The following GRIA2 variants were observed in gnomAD, a reference collection of about 807,000 sequenced individuals.
The protein encoded by GRIA2 is glutamate receptor 2.
GRIA2 carries 14 observed loss-of-function variants against 97.3 expected under a neutral mutation model. That is an observed-to-expected ratio of 0.14 (90% confidence interval 0.10 to 0.23). The LOEUF (loss-of-function observed/expected upper bound fraction) is 0.23, where lower values mean the gene tolerates loss of function less well. Ranked by LOEUF, GRIA2 falls within the 10% of genes least tolerant of loss-of-function variation. The pLI, the probability that GRIA2 is intolerant of heterozygous loss-of-function variation, is 1.00. For missense variants in GRIA2, 558 were observed against 1,069.8 expected, an observed-to-expected ratio of 0.52 and a Z score of 6.67; for synonymous variants, 412 against 387.8, an observed-to-expected ratio of 1.06 and a Z score of -0.73.
At chr4:157,302,392 G>A (rs887724256) in intron 2 of GRIA2, among the ~76,000 whole-genome samples, 2 of 152,152 alleles carry the variant, frequency 1.3e-5, no homozygotes, top group Middle Eastern at 3.4e-3. Flanking sequence ...GAGGAAGGAG[G>A]ACAGTTGGGT....
At chr4:157,270,804 T>C (rs927446546) in intron 2 of GRIA2, among the ~76,000 whole-genome samples, 1 of 152,000 alleles carries the variant, frequency 6.6e-6, no homozygotes, top group African/African-American at 2.4e-5. Context: ...GAGGTTAATC[T>C]TGGAGAGGGA....
intron 2 of GRIA2, among the ~76,000 whole-genome samples, chr4:157,236,728 C>T (rs1476843714): frequency 3.3e-5 from 5 of 152,052 alleles, no homozygotes; most frequent in Non-Finnish European, 4.4e-5. Flanking sequence ...CTCTTGGTAT[C>T]TTATTGTTTA....
chr4:157,239,429 C>G (rs1365994204), intron 2 of GRIA2, among the ~76,000 whole-genome samples: 1 of 151,944 alleles, frequency 6.6e-6, no homozygotes, highest in East Asian at 1.9e-4. Context: ...TTTCCACTAA[C>G]AGAGGAAGAC....
At chr4:157,300,607 T>C (rs1192131925) in intron 2 of GRIA2, among the ~76,000 whole-genome samples, 3 of 152,056 alleles carry the variant, frequency 2.0e-5, no homozygotes, top group Non-Finnish European at 2.9e-5. Context: ...AAATAGAGGA[T>C]ATATGCAAAT....
intron 12 of GRIA2, 24 bp downstream of exon 12, chr4:157,341,486 TC>T: frequency 6.7e-7 from 1 of 1,486,458 alleles, no homozygotes; most frequent in South Asian, 1.1e-5. Context: ...CTTTGTAGTT[TC>T]TGATTTTGTT....
At chr4:157,255,177 T>C (rs1338252837) in intron 2 of GRIA2, among the ~76,000 whole-genome samples, 1 of 152,018 alleles carries the variant, frequency 6.6e-6, no homozygotes, top group Non-Finnish European at 1.5e-5. Context: ...TTTGACTTTC[T>C]GTTTCTGAGT....
chr4:157,232,335 GGT>G (rs1730056739), intron 2 of GRIA2, among the ~76,000 whole-genome samples: 1 of 151,992 alleles, frequency 6.6e-6, no homozygotes, highest in Non-Finnish European at 1.5e-5. Flanking sequence ...TCTCTATAAG[GGT>G]GTGTGTGCTT....
At chr4:157,237,757 G>A (rs1034197705) in intron 2 of GRIA2, among the ~76,000 whole-genome samples, 4 of 152,036 alleles carry the variant, frequency 2.6e-5, no homozygotes, top group Non-Finnish European at 4.4e-5. Context: ...GTGTTTCTGG[G>A]GTCTCAGATC....
intron 5 of GRIA2, 24 bp from the exon 6 acceptor site, chr4:157,321,414 G>C: frequency 6.4e-7 from 1 of 1,559,180 alleles, no homozygotes; most frequent in South Asian, 1.2e-5. Context: ...CAAAAAGCGT[G>C]ATATCAATGT....
At chr4:157,317,252 A>C (rs1734364330) in intron 4 of GRIA2, among the ~76,000 whole-genome samples, 1 of 152,212 alleles carries the variant, frequency 6.6e-6, no homozygotes, top group Non-Finnish European at 1.5e-5. Flanking sequence ...AAAATCTCAG[A>C]TGTTAAACAG....
chr4:157,360,511 C>T (rs1736587978), intron 13 of GRIA2, among the ~76,000 whole-genome samples: 1 of 152,060 alleles, frequency 6.6e-6, no homozygotes, highest in Non-Finnish European at 1.5e-5. Flanking sequence ...TGCATACAGA[C>T]TAAGCAAATG....
chr4:157,361,165 A>G lies in GRIA2; in HGVS notation c.2406+41A>G. 6.9e-7 allele frequency: 1 copy of G among 1,452,758 alleles called. No homozygotes were observed. The highest frequency in any genetic ancestry group is 9.7e-7 in the Non-Finnish European group (1 of 1,034,128). The allele number at this position is 1,452,758 out of a possible 1,614,324, so 90.0% of individuals were successfully genotyped here. A position where few individuals can be genotyped will look rare whatever the true frequency, so the allele number is the denominator to read the frequency against. ...AAAAGTAATGGGTAACTCAATGCAA[A>G]ACAAAGTAAGCAGCAGCTATGCACA... On this transcript the variant is annotated intron_variant, in intron 14 of 15. Coordinates refer to ENST00000264426, the MANE Select transcript of GRIA2 (RefSeq NM_001083619.3). This position sits in a 1 kb window ranked among gnomAD's most constrained non-coding sequence, Gnocchi z 5.2.
chr4:157,220,162 G>A (rs981908107), upstream of GRIA2: 2 of 152,192 alleles, frequency 1.3e-5, no homozygotes, highest in Non-Finnish European at 2.9e-5. Flanking sequence ...GGATGACAGG[G>A]CTTCTGTATT....
chr4:157,349,468 C>A (rs1223536023), intron 12 of GRIA2, among the ~76,000 whole-genome samples: 3 of 143,686 alleles, frequency 2.1e-5, no homozygotes. Flanking sequence ...TTCCTCCCCC[C>A]ACCCTTCCTT....
At position 157,336,661 on chromosome 4, in the gene GRIA2, T is replaced by C; in HGVS notation, c.1758T>C (p.Ser586=). 1 of 1,613,046 alleles carries C rather than the reference T, an allele frequency of 6.2e-7. No individual in the cohort carries two copies. The highest frequency in any genetic ancestry group is 1.1e-5 in the South Asian group (1 of 91,064). The change falls in exon 11 of 16, where the codon AGT becomes AGC. Residue 586 remains serine, a synonymous_variant. Transcript: ENST00000264426. ...AAGATGGAAGAGAAACACAAAGTAG[T>C]GAATCAACTAATGAATTTGGGATTT... ...EFEDGRETQS[S]ESTNEFGIFN...
intron 6 of GRIA2, among the ~76,000 whole-genome samples, chr4:157,325,695 T>C (rs1734773182): frequency 6.6e-6 from 1 of 152,218 alleles, no homozygotes; most frequent in Non-Finnish European, 1.5e-5. Flanking sequence ...CGTCTTTCAG[T>C]TGTTGCTTAG....
At chr4:157,355,924 T>TATATATATATATTA (rs1736292367) in intron 12 of GRIA2, among the ~76,000 whole-genome samples, 1 of 15,106 alleles carries the variant, frequency 6.6e-5, no homozygotes, top group South Asian at 7.9e-3. Context: ...TTAATATATT[T>TATATATATATATTA]ATATATATTT....
intron 4 of GRIA2, among the ~76,000 whole-genome samples, chr4:157,315,073 G>C (rs1214229775): frequency 6.6e-6 from 1 of 152,142 alleles, no homozygotes; most frequent in East Asian, 1.9e-4. Flanking sequence ...CATAAGACGT[G>C]GCATTTGGCT....
At chr4:157,243,184 A>G (rs1730581651) in intron 2 of GRIA2, among the ~76,000 whole-genome samples, 1 of 152,098 alleles carries the variant, frequency 6.6e-6, no homozygotes, top group African/African-American at 2.4e-5. Context: ...AAAGTGCTGC[A>G]AGTATTGATT....
Sources: gnomAD v4.1 joint callset for allele counts (sites outside exome capture counted in the v4.1 genomes callset) on GRCh38, gnomAD v4.1.1 for gene constraint, Gnocchi (gnomAD v3.1) non-coding constraint, MANE v1.5 for transcripts, NCBI Gene and HGNC (gene_info 2026-07-23, HGNC 2026-07-21) for gene names.